The following PIGK variants were observed in gnomAD, a reference collection of about 807,000 sequenced individuals.
The protein encoded by PIGK is phosphatidylinositol glycan anchor biosynthesis class K.
A neutral mutation model predicts 50.6 loss-of-function variants in PIGK; 42 were observed. The ratio of observed to expected loss-of-function variants is 0.83; its 90% CI spans 0.65 to 1.07. The LOEUF (loss-of-function observed/expected upper bound fraction) is 1.07, where lower values mean the gene tolerates loss of function less well. Ranked by LOEUF, PIGK falls within the 50% of genes least tolerant of loss-of-function variation. PIGK has a pLI of 0.00. For synonymous variants in PIGK, 151 were observed against 156.0 expected (o/e 0.97, Z 0.24); for missense variants, 448 against 488.7 (o/e 0.92, Z 0.78).
chr1:77,137,821 C>T (rs551819993), intron 9 of PIGK, among the ~76,000 whole-genome samples: 25 of 152,280 alleles, frequency 1.6e-4, no homozygotes, highest in South Asian at 8.3e-4. Flanking sequence ...CCAGGCTGGT[C>T]GTGAACTACT....
chr1:77,156,657 G>A (rs1403957536), intron 8 of PIGK, among the ~76,000 whole-genome samples: 1 of 152,026 alleles, frequency 6.6e-6, no homozygotes, highest in Non-Finnish European at 1.5e-5. Flanking sequence ...GTGTCTGCGG[G>A]TATTTTATTT....
intron 3 of PIGK, 78 bp from the exon 4 acceptor site, chr1:77,169,473 G>T: frequency 8.6e-7 from 1 of 1,157,776 alleles, no homozygotes; most frequent in Non-Finnish European, 1.2e-6. Flanking sequence ...ATATCATGTA[G>T]CTACTGTGTT....
intron 9 of PIGK, among the ~76,000 whole-genome samples, chr1:77,127,631 A>C (rs1389898963): frequency 6.6e-6 from 1 of 152,230 alleles, no homozygotes; most frequent in Admixed American, 6.5e-5. Flanking sequence ...ACAAGAAAGC[A>C]GAGACACTGT....
At chr1:77,207,270 T>C (rs1015481570) in intron 2 of PIGK, among the ~76,000 whole-genome samples, 3 of 152,210 alleles carry the variant, frequency 2.0e-5, no homozygotes, top group Non-Finnish European at 4.4e-5. Context: ...AAGCATATCT[T>C]TGGGAAATTA....
intron 3 of PIGK, among the ~76,000 whole-genome samples, chr1:77,179,765 A>G (rs965484099): frequency 2.6e-5 from 4 of 151,482 alleles, no homozygotes; most frequent in African/African-American, 9.7e-5. Context: ...ACATAATTTG[A>G]TGATATAGAT....
intron 9 of PIGK, chr1:77,129,677 T>C (rs774220959): frequency 2.7e-4 from 306 of 1,150,462 alleles, no homozygotes; most frequent in Non-Finnish European, 4.4e-5. Context: ...AAATTCAGCA[T>C]TAAAATAAAT....
chr1:77,160,064 G>C (rs1296606521), intron 8 of PIGK, among the ~76,000 whole-genome samples: 5 of 152,148 alleles, frequency 3.3e-5, no homozygotes, highest in African/African-American at 1.2e-4. Flanking sequence ...GGAGGGACTT[G>C]GTGGGAGGTA....
rs564518979 is a variant in PIGK at position 77,179,277 on chromosome 1, T to G, written c.240-9882A>C. Reference sequence around the variant, plus strand: ...GTGACAGTGACATTAATGATTAAAGTTTTGGTCAATCTCTCAAAATTGAGA... The same window carrying G: ...GTGACAGTGACATTAATGATTAAAGGTTTGGTCAATCTCTCAAAATTGAGA... On this transcript the variant is annotated intron_variant, in intron 3 of 10. Transcript: ENST00000370812. 1.5e-4 allele frequency among the ~76,000 whole-genome samples: 23 copies of G among 152,264 alleles called. No homozygotes were observed. The South Asian group carries it at 2.7e-3, about 18-fold the overall frequency.
chr1:77,183,440 T>A (rs1437376827), intron 3 of PIGK, among the ~76,000 whole-genome samples: 1 of 152,170 alleles, frequency 6.6e-6, no homozygotes, highest in East Asian at 1.9e-4. Flanking sequence ...TTGATTCTCC[T>A]CAGGAGCCAC....
At chr1:77,183,509 G>A (rs773135380) in intron 3 of PIGK, among the ~76,000 whole-genome samples, 1 of 152,200 alleles carries the variant, frequency 6.6e-6, no homozygotes, top group Non-Finnish European at 1.5e-5. Context: ...CCCTACAGGT[G>A]AGGTTCAGAG....
At chr1:77,138,829 A>T (rs1021578792) in intron 9 of PIGK, among the ~76,000 whole-genome samples, 4 of 152,162 alleles carry the variant, frequency 2.6e-5, no homozygotes, top group African/African-American at 9.7e-5. Flanking sequence ...GGTTACTATC[A>T]ATCTAGTATC....
At chr1:77,130,297 CAAAAAAAAAAAAAAAA>C (rs749423746) in intron 9 of PIGK, among the ~76,000 whole-genome samples, 10 of 41,494 alleles carry the variant, frequency 2.4e-4, no homozygotes, top group East Asian at 1.5e-3. Context: ...TACTCCTAAG[CAAAAAAAAAAAAAAAA>C]AAAAAAAAAA....
chr1:77,183,818 T>C (rs894439472), intron 3 of PIGK, among the ~76,000 whole-genome samples: 1 of 152,108 alleles, frequency 6.6e-6, no homozygotes, highest in Non-Finnish European at 1.5e-5. Flanking sequence ...CTTGGTTTAA[T>C]GTAGAGAAAG....
At chr1:77,202,685 G>A (rs1656197429) in intron 3 of PIGK, among the ~76,000 whole-genome samples, 2 of 152,014 alleles carry the variant, frequency 1.3e-5, no homozygotes, top group African/African-American at 4.8e-5. Flanking sequence ...ACAAAAGACT[G>A]AAATACAGAA....
At chr1:77,162,675 C>T (rs1570234321) in intron 6 of PIGK, among the ~76,000 whole-genome samples, 1 of 152,168 alleles carries the variant, frequency 6.6e-6, no homozygotes, top group Non-Finnish European at 1.5e-5. Flanking sequence ...GGAAGTTTTT[C>T]TCAGACACTG....
In PIGK at chr1:77,189,732, TATATATATATATATATACACACACACAC is replaced by T. The variant is rs1369638176; in HGVS notation, c.239+16880_239+16907del. Among the ~76,000 whole-genome samples the T allele has an allele frequency of 9.9e-3, 321 of 32,488 alleles. 1 individual carries two copies. The highest frequency in any genetic ancestry group is 0.045 in the East Asian group (13 of 288). The allele number at this position is 32,488 out of a possible 152,430, so 21.3% of individuals were successfully genotyped here. A position where few individuals can be genotyped will look rare whatever the true frequency, so the allele number is the denominator to read the frequency against. On this transcript the variant is annotated intron_variant, in intron 3 of 10. Transcript: ENST00000370812. ...ATATATATATATATATATATATATATATATATATATATATATACACACACACACACACACACACACACACAGATATACA... is the reference window on the plus strand; with the variant it reads ...ATATATATATATATATATATATATATACACACACACACACACAGATATACA...
intron 6 of PIGK, 49 bp from the exon 7 acceptor site, chr1:77,161,760 T>A (rs760100477): frequency 2.5e-6 from 2 of 786,936 alleles, no homozygotes; most frequent in South Asian, 2.8e-5. Context: ...CTGTAAATCA[T>A]ACACTAATAT....
At chr1:77,129,041 C>T (rs1654294280) in intron 9 of PIGK, 1 of 774,644 alleles carries the variant, frequency 1.3e-6, no homozygotes, top group South Asian at 1.4e-5. Flanking sequence ...GACCATATGG[C>T]CTATGACCTA....
chr1:77,158,260 G>A (rs1028019134), intron 8 of PIGK, among the ~76,000 whole-genome samples: 18 of 151,400 alleles, frequency 1.2e-4, no homozygotes, highest in South Asian at 2.1e-4. Context: ...CAAGTAATCC[G>A]CCCACCTCAA....
Sources: allele counts gnomAD v4.1 joint callset (sites outside exome capture counted in the v4.1 genomes callset), GRCh38; gene constraint gnomAD v4.1.1; transcripts MANE v1.5; gene names NCBI Gene and HGNC (gene_info 2026-07-23, HGNC 2026-07-21).